Variants in UGT2B17 observed in about 807,000 individuals in gnomAD.
The protein encoded by UGT2B17 is UDP-glucuronosyltransferase 2B17.
A neutral mutation model predicts 48.2 loss-of-function variants in UGT2B17; 21 were observed. The observed-to-expected ratio is 0.44, with a 90% CI of 0.31 to 0.63. The LOEUF is 0.63. Among genes scored for constraint, UGT2B17 ranks in the 20% least tolerant of loss-of-function variants. UGT2B17 has a pLI of 0.08. For missense variants in UGT2B17, 402 were observed against 696.1 expected (o/e 0.58, Z 4.75); for synonymous variants, 146 against 238.4 (o/e 0.61, Z 3.57).
chr4:68,565,871 A>T (rs1384647044), intron 2 of UGT2B17, 151 bp from the exon 3 acceptor site: 1 of 425,412 alleles, frequency 2.4e-6, no homozygotes, highest in Non-Finnish European at 3.1e-6. Context: ...ATATAAATAC[A>T]TTTATATAAT....
chr4:68,572,285 G>A lies in UGT2B17; in HGVS notation c.-65+3666C>T, dbSNP rs576973864. ...CATTTTGAGGAGCTCTGTTTTTTTC[G>A]GTTCTACCTATTACCTTACTTGTGT... On this transcript the variant is annotated intron_variant, in intron 1 of 6. Coordinates refer to ENST00000317746, the MANE Select transcript of UGT2B17 (RefSeq NM_001077.4). Among the ~76,000 whole-genome samples the A allele has an allele frequency of 8.8e-5, 11 of 124,428 alleles. 2 individuals carry two copies. The highest frequency in any genetic ancestry group is 8.2e-3 in the Middle Eastern group (2 of 244). The allele number at this position is 124,428 out of a possible 152,430, so 81.6% of individuals were successfully genotyped here. A position where few individuals can be genotyped will look rare whatever the true frequency, so the allele number is the denominator to read the frequency against.
rs2109758477 is a variant in UGT2B17 at position 68,541,284 on chromosome 4, T to TATCTC, written c.1314-3385_1314-3381dup. ...CACCAAAAATGTAAAAGTTTTCCTA[T>TATCTC]ATCTCCCCAGTTTCACCAGCATCTG... On this transcript the variant is annotated intron_variant, in intron 6 of 6. Transcript: ENST00000317746. 1.6e-5 allele frequency among the ~76,000 whole-genome samples: 2 copies of TATCTC among 126,538 alleles called. 1 individual carries two copies. Among genetic ancestry groups the TATCTC allele is most frequent in the Non-Finnish European group, 3.4e-5 (2 of 59,684 alleles). The allele number at this position is 126,538 out of a possible 152,430, so 83.0% of individuals were successfully genotyped here. A position where few individuals can be genotyped will look rare whatever the true frequency, so the allele number is the denominator to read the frequency against.
intron 3 of UGT2B17, among the ~76,000 whole-genome samples, chr4:68,564,590 A>C (rs1329305288): frequency 8.0e-6 from 1 of 124,918 alleles, no homozygotes; most frequent in Non-Finnish European, 1.7e-5. Flanking sequence ...CGCCCGGCCC[A>C]TCATTGACTT....
At position 68,568,682 on chromosome 4, in the gene UGT2B17, C is replaced by G. The variant is rs62317003; in HGVS notation, c.-64-134G>C. 3.2e-4 allele frequency among the ~76,000 whole-genome samples: 40 copies of G among 125,374 alleles called. 13 individuals are homozygous for G. The South Asian group carries it at 7.8e-3, about 25-fold the overall frequency. 82.3% of individuals were successfully genotyped at this position (125,374 alleles called of 152,430 possible). ...GCAATAATTTTTATGACCTAGAATACGTAAGTAACCTGTCTTATGTAATTA... is the reference window on the plus strand; with the variant it reads ...GCAATAATTTTTATGACCTAGAATAGGTAAGTAACCTGTCTTATGTAATTA... On this transcript the variant is annotated intron_variant, in intron 1 of 6. Coordinates refer to ENST00000317746, the MANE Select transcript of UGT2B17 (RefSeq NM_001077.4).
intron 4 of UGT2B17, among the ~76,000 whole-genome samples, chr4:68,558,849 A>G (rs1322111653): frequency 7.9e-6 from 1 of 125,854 alleles, no homozygotes; most frequent in Non-Finnish European, 1.7e-5. Context: ...CTGCTCACTG[A>G]GATAAATGCA....
In UGT2B17 at chr4:68,550,879, C is replaced by T. The variant is rs1730902976; in HGVS notation, c.1111G>A (p.Ala371Thr). The change falls in exon 6 of 7, where the codon GCT becomes ACT. Residue 371 changes from alanine (A) to threonine (T), a missense_variant. Transcript: ENST00000317746. ...NDLLGHPKTK[A>T]FITHGGTNGI... ...TTGGTTCCACCATGAGTTATAAAAG[C>T]TTTGGTTTTGGGATGACCTAAAAGT... The T allele has an allele frequency of 7.3e-7, 1 of 1,374,890 alleles. No homozygotes were observed. The highest frequency in any genetic ancestry group is 1.7e-5 in the South Asian group (1 of 58,474). The allele number at this position is 1,374,890 out of a possible 1,614,324, so 85.2% of individuals were successfully genotyped here.
In UGT2B17 at chr4:68,548,296, A is replaced by G. The variant is rs1327132742; in HGVS notation, c.1313+2381T>C. 2.4e-5 allele frequency among the ~76,000 whole-genome samples: 3 copies of G among 125,514 alleles called. 1 individual carries two copies. Among genetic ancestry groups the G allele is most frequent in the African/African-American group, 8.2e-5 (3 of 36,712 alleles). 82.3% of individuals were successfully genotyped at this position (125,514 alleles called of 152,430 possible). On this transcript the variant is annotated intron_variant, in intron 6 of 6. Transcript: ENST00000317746. ...TGCAGGGACATGGATGAAGCTGGAA[A>G]CCATCATTCCCAGCAAACTATCGCA...
At position 68,539,922 on chromosome 4, in the gene UGT2B17, C is replaced by G. The variant is rs1730623407; in HGVS notation, c.1314-2018G>C. ...GCCTCAACCTCCCAAGTGTCTGGGA[C>G]TACAGGTGCTCATCCCCCACATCTG... On this transcript the variant is annotated intron_variant, in intron 6 of 6. Coordinates refer to ENST00000317746, the MANE Select transcript of UGT2B17 (RefSeq NM_001077.4). Among the ~76,000 whole-genome samples, 2 of 119,974 alleles carry G rather than the reference C, an allele frequency of 1.7e-5. 1 individual carries two copies. Among genetic ancestry groups the G allele is most frequent in the African/African-American group, 5.7e-5 (2 of 34,894 alleles). The allele number at this position is 119,974 out of a possible 152,430, so 78.7% of individuals were successfully genotyped here. A position where few individuals can be genotyped will look rare whatever the true frequency, so the allele number is the denominator to read the frequency against.
At position 68,545,012 on chromosome 4, in the gene UGT2B17, A is replaced by T. The variant is rs1730768243; in HGVS notation, c.1313+5665T>A. Among the ~76,000 whole-genome samples the T allele has an allele frequency of 1.6e-5, 2 of 126,026 alleles. 1 individual carries two copies. Among genetic ancestry groups the T allele is most frequent in the African/African-American group, 5.4e-5 (2 of 36,892 alleles). 82.7% of individuals were successfully genotyped at this position (126,026 alleles called of 152,430 possible). On this transcript the variant is annotated intron_variant, in intron 6 of 6. Coordinates refer to ENST00000317746, the MANE Select transcript of UGT2B17 (RefSeq NM_001077.4). ...ACAAACCACCGTCAACATTAGACAG[A>T]TCAACGAGAAAAAGTTAACAAGGAT...
chr4:68,546,174 C>A (rs1169494902), intron 6 of UGT2B17, among the ~76,000 whole-genome samples: 1 of 125,928 alleles, frequency 7.9e-6, no homozygotes, highest in Admixed American at 8.1e-5. Flanking sequence ...CAAAAATCCT[C>A]AATAAAATAC....
rs185799741 is a variant in UGT2B17, at chr4:68,540,410, G to A, written c.1314-2506C>T. Among the ~76,000 whole-genome samples the A allele has an allele frequency of 1.4e-3, 180 of 126,494 alleles. 43 individuals carry two copies. Among genetic ancestry groups the A allele is most frequent in the African/African-American group, 4.5e-3 (166 of 37,198 alleles). The allele number at this position is 126,494 out of a possible 152,430, so 83.0% of individuals were successfully genotyped here. A position where few individuals can be genotyped will look rare whatever the true frequency, so the allele number is the denominator to read the frequency against. Reference sequence around the variant, plus strand: ...ACTATCTCAGCTCACTGAAACCTCCGTCTCCCAGGTTCAAGTGATTCTCCT... The same window carrying A: ...ACTATCTCAGCTCACTGAAACCTCCATCTCCCAGGTTCAAGTGATTCTCCT... On this transcript the variant is annotated intron_variant, in intron 6 of 6. Coordinates refer to ENST00000317746, the MANE Select transcript of UGT2B17 (RefSeq NM_001077.4).
intron 3 of UGT2B17, among the ~76,000 whole-genome samples, chr4:68,564,606 C>CAA (rs1289948140): frequency 8.0e-6 from 1 of 125,044 alleles, no homozygotes; most frequent in Non-Finnish European, 1.7e-5. Context: ...GACTTTTACT[C>CAA]AACCTTTTCC....
intron 6 of UGT2B17, among the ~76,000 whole-genome samples, chr4:68,546,006 C>T (rs1166848206): frequency 7.9e-6 from 1 of 125,854 alleles, no homozygotes; most frequent in African/African-American, 2.7e-5. Flanking sequence ...CAAGGAGGAG[C>T]TGGTACCCTT....
chr4:68,542,054 G>A (rs1578163188), intron 6 of UGT2B17, among the ~76,000 whole-genome samples: 1 of 125,266 alleles, frequency 8.0e-6, no homozygotes, highest in Admixed American at 8.2e-5. Flanking sequence ...TAAGGTGTAA[G>A]GAAGGGATCC....
rs1410017452 is a variant in UGT2B17, at chr4:68,550,600, C to G, written c.1313+77G>C. The G allele has an allele frequency of 6.2e-5, 69 of 1,112,194 alleles. 17 individuals are homozygous for G. The highest frequency in any genetic ancestry group is 4.6e-4 in the Middle Eastern group (2 of 4,370). The allele number at this position is 1,112,194 out of a possible 1,614,324, so 68.9% of individuals were successfully genotyped here. A position where few individuals can be genotyped will look rare whatever the true frequency, so the allele number is the denominator to read the frequency against. On this transcript the variant is annotated intron_variant, in intron 6 of 6. Coordinates refer to ENST00000317746, the MANE Select transcript of UGT2B17 (RefSeq NM_001077.4). ...AATCCCTTCAAAATTAGTCTCTTAA[C>G]AAAGGGTTCAAACTCATATTCACTG...
At chr4:68,562,084 C>G (rs1178935823) in intron 3 of UGT2B17, among the ~76,000 whole-genome samples, 2 of 124,910 alleles carry the variant, frequency 1.6e-5, no homozygotes, top group Non-Finnish European at 1.7e-5. Flanking sequence ...TATAATTGAA[C>G]TTTATGACAT....
Position 68,565,566 on chromosome 4 carries a change from G to A in UGT2B17, c.873+6C>T, listed in dbSNP as rs1171940285. The A allele has an allele frequency of 1.9e-5, 26 of 1,362,980 alleles. 5 individuals carry two copies. The African/African-American group carries it at 2.4e-4, about 13-fold the overall frequency. The allele number at this position is 1,362,980 out of a possible 1,614,324, so 84.4% of individuals were successfully genotyped here. Reference sequence around the variant, plus strand: ...AAGCAAACAAATGAAACAAGAATATGTTCACCTTAGGCAAGGGTTTGGCTG... The same window carrying A: ...AAGCAAACAAATGAAACAAGAATATATTCACCTTAGGCAAGGGTTTGGCTG... On this transcript the variant is annotated splice_donor_region_variant and intron_variant, in intron 3 of 6. Coordinates refer to ENST00000317746, the MANE Select transcript of UGT2B17 (RefSeq NM_001077.4).
intron 6 of UGT2B17, among the ~76,000 whole-genome samples, chr4:68,549,226 A>G (rs7435827): frequency 0.48 from 58,525 of 121,382 alleles, 22,680 homozygotes; most frequent in Middle Eastern, 0.74. Flanking sequence ...CTCTGAATTG[A>G]TGGTAGCTGG....
chr4:68,564,294 A>ATATATTTTTTTTTT (rs1366181355), intron 3 of UGT2B17, among the ~76,000 whole-genome samples: 3 of 75,784 alleles, frequency 4.0e-5, no homozygotes, highest in African/African-American at 1.5e-4. Flanking sequence ...ATATATATAT[A>ATATATTTTTTTTTT]TTTTTTTTTT....
Sources: gnomAD v4.1 joint callset for allele counts (sites outside exome capture counted in the v4.1 genomes callset) on GRCh38, gnomAD v4.1.1 for gene constraint, MANE v1.5 for transcripts, NCBI Gene and HGNC (gene_info 2026-07-23, HGNC 2026-07-21) for gene names.